The following AGBL4 variants were observed in gnomAD, a reference collection of about 807,000 sequenced individuals.
AGBL4 encodes cytosolic carboxypeptidase 6.
AGBL4 carries 58 observed loss-of-function variants against 66.4 expected under a neutral mutation model. The observed-to-expected ratio is 0.87, with a 90% confidence interval of 0.71 to 1.09. AGBL4 has a LOEUF of 1.09. AGBL4 is among the 50% of genes least tolerant of loss of function. AGBL4 has a pLI of 0.00. For missense variants in AGBL4, 579 were observed against 631.0 expected (o/e 0.92, Z 0.88); for synonymous variants, 234 against 222.9 (o/e 1.05, Z -0.44).
intron 8 of AGBL4, among the ~76,000 whole-genome samples, chr1:48,644,989 T>C (rs1645812274): frequency 6.6e-6 from 1 of 152,226 alleles, no homozygotes; most frequent in South Asian, 2.1e-4. Context: ...GAATCAATTA[T>C]TAAGATCAAC....
rs535912750 is a variant in AGBL4, at chr1:48,975,023, A to T, written c.594+70561T>A. 4.6e-5 allele frequency among the ~76,000 whole-genome samples: 7 copies of T among 152,238 alleles called. No individual in the cohort carries two copies. The East Asian group carries it at 1.4e-3, about 29-fold the overall frequency. ...ACACTATGTTGACAGCTACAATATT[A>T]TAAGGAGGAAGTTGCAAGTGCCATA... is the stretch of plus-strand genomic sequence containing the variant. On this transcript the variant is annotated intron_variant, in intron 5 of 13. Transcript: ENST00000371839.
intron 2 of AGBL4, among the ~76,000 whole-genome samples, chr1:49,829,163 T>C (rs1645590638): frequency 6.6e-6 from 1 of 151,920 alleles, no homozygotes; most frequent in South Asian, 2.1e-4. Context: ...AATTAATGGA[T>C]TCAGGATATT....
At chr1:48,801,015 T>C (rs932887546) in intron 6 of AGBL4, among the ~76,000 whole-genome samples, 1 of 151,296 alleles carries the variant, frequency 6.6e-6, no homozygotes, top group Admixed American at 6.6e-5. Context: ...TGGGGGAGGG[T>C]GGTTCTCAGG....
At chr1:49,146,116 G>A (rs1646213285) in intron 4 of AGBL4, among the ~76,000 whole-genome samples, 1 of 152,010 alleles carries the variant, frequency 6.6e-6, no homozygotes, top group Admixed American at 6.6e-5. Flanking sequence ...GGGGGTTGGG[G>A]GACTGGTTAG....
At chr1:50,003,641 C>T (rs1465663014) in intron 1 of AGBL4, among the ~76,000 whole-genome samples, 1 of 151,870 alleles carries the variant, frequency 6.6e-6, no homozygotes, top group Non-Finnish European at 1.5e-5. Flanking sequence ...GCCAGAGAGA[C>T]AATAGCCAAG....
intron 4 of AGBL4, among the ~76,000 whole-genome samples, chr1:49,191,301 A>G (rs1647114174): frequency 1.3e-5 from 2 of 152,184 alleles, no homozygotes; most frequent in African/African-American, 4.8e-5. Context: ...TACTTCTCCA[A>G]TTATATCACC....
At chr1:48,707,443 G>A (rs1360906411) in intron 6 of AGBL4, among the ~76,000 whole-genome samples, 1 of 152,216 alleles carries the variant, frequency 6.6e-6, no homozygotes, top group Non-Finnish European at 1.5e-5. Flanking sequence ...CAAGGGATGA[G>A]AAGAGAGAGC....
chr1:49,657,844 T>A (rs1043194395), intron 3 of AGBL4, among the ~76,000 whole-genome samples: 1 of 152,116 alleles, frequency 6.6e-6, no homozygotes, highest in Non-Finnish European at 1.5e-5. Flanking sequence ...TTATACCTTA[T>A]ACAAAAATTA....
At chr1:49,934,961 G>A (rs1653789620) in intron 1 of AGBL4, among the ~76,000 whole-genome samples, 1 of 152,224 alleles carries the variant, frequency 6.6e-6, no homozygotes, top group Non-Finnish European at 1.5e-5. Flanking sequence ...CATCTCACTA[G>A]GGAGTGCCAG....
intron 1 of AGBL4, among the ~76,000 whole-genome samples, chr1:49,931,144 C>T (rs150979240): frequency 8.6e-4 from 131 of 152,138 alleles, no homozygotes; most frequent in African/African-American, 3.0e-3. Flanking sequence ...TGTTAAAGTA[C>T]TTCTTACAAT....
At chr1:49,908,233 GGT>G (rs1029321745) in intron 1 of AGBL4, among the ~76,000 whole-genome samples, 2 of 151,846 alleles carry the variant, frequency 1.3e-5, no homozygotes, top group African/African-American at 4.8e-5. Context: ...TAATTAGCCA[GGT>G]GATACAGTTT....
intron 1 of AGBL4, among the ~76,000 whole-genome samples, chr1:49,885,354 A>G (rs2148153613): frequency 6.6e-6 from 1 of 152,118 alleles, no homozygotes; most frequent in East Asian, 1.9e-4. Flanking sequence ...TAGGGAAGAT[A>G]ATCTATATGT....
At position 49,284,437 on chromosome 1, in the gene AGBL4, A is replaced by G. The variant is rs1453978074; in HGVS notation, c.283-38573T>C. Among the ~76,000 whole-genome samples the G allele has an allele frequency of 3.9e-5, 6 of 152,194 alleles. No homozygotes were observed. The South Asian group carries it at 8.3e-4, about 21-fold the overall frequency. On this transcript the variant is annotated intron_variant, in intron 3 of 13. Transcript: ENST00000371839. ...AAAATCATGCCAAAATGTAAAGACC[A>G]TCGAGACTAGGAAGAAACTGCATCA...
intron 3 of AGBL4, among the ~76,000 whole-genome samples, chr1:49,255,843 A>C (rs2148346892): frequency 6.6e-6 from 1 of 152,324 alleles, no homozygotes; most frequent in Non-Finnish European, 1.5e-5. Context: ...AAAAAGAATA[A>C]GATCATGTAT....
At chr1:49,623,930 G>C (rs192615917) in intron 3 of AGBL4, among the ~76,000 whole-genome samples, 1 of 151,948 alleles carries the variant, frequency 6.6e-6, no homozygotes, top group Non-Finnish European at 1.5e-5. Context: ...TTACTCACAC[G>C]GTTGGGGTCC....
At chr1:49,810,419 G>A (rs950488757) in intron 2 of AGBL4, among the ~76,000 whole-genome samples, 2 of 152,136 alleles carry the variant, frequency 1.3e-5, no homozygotes, top group African/African-American at 4.8e-5. Context: ...AATTGTTTTA[G>A]TACAGGGAGA....
At chr1:49,997,011 A>G (rs114843353) in intron 1 of AGBL4, among the ~76,000 whole-genome samples, 1 of 152,134 alleles carries the variant, frequency 6.6e-6, no homozygotes, top group African/African-American at 2.4e-5. Context: ...TGCTGAGAGG[A>G]TTTGCCAAAA....
At chr1:48,596,383 A>G (rs1644994522) in intron 9 of AGBL4, among the ~76,000 whole-genome samples, 1 of 152,164 alleles carries the variant, frequency 6.6e-6, no homozygotes, top group African/African-American at 2.4e-5. Flanking sequence ...TACCCCAGGA[A>G]GATGTTTTCC....
chr1:49,410,707 C>T (rs1371111263), intron 3 of AGBL4, among the ~76,000 whole-genome samples: 6 of 152,184 alleles, frequency 3.9e-5, no homozygotes, highest in African/African-American at 1.4e-4. Flanking sequence ...TCTGAACCAA[C>T]CTCTTCCTTT....
Sources: gnomAD v4.1 joint callset for allele counts (sites outside exome capture counted in the v4.1 genomes callset) on GRCh38, gnomAD v4.1.1 for gene constraint, MANE v1.5 for transcripts, NCBI Gene and HGNC (gene_info 2026-07-23, HGNC 2026-07-21) for gene names.